The following INTS6 variants were observed in gnomAD, a reference collection of about 807,000 sequenced individuals.
INTS6 encodes the protein integrator complex subunit 6, also known as DEAD box protein.
In INTS6, 16 loss-of-function variants were observed where a neutral mutation model predicts 104.9. The observed-to-expected ratio is 0.15, with a 90% CI of 0.10 to 0.23. The LOEUF is 0.23. INTS6 is among the 10% of genes least tolerant of loss of function. The pLI, the probability that INTS6 is intolerant of heterozygous loss-of-function variation, is 1.00. For synonymous variants in INTS6, 324 were observed against 358.7 expected (o/e 0.90, Z 1.09); for missense variants, 584 against 1,062.8 (o/e 0.55, Z 6.26).
At chr13:51,401,283 T>C (rs1231029560) in intron 4 of INTS6, among the ~76,000 whole-genome samples, 6 of 152,164 alleles carry the variant, frequency 3.9e-5, no homozygotes, top group African/African-American at 1.4e-4. Context: ...AAATATTAGG[T>C]ATGTTTAGGC....
At chr13:51,410,862 T>C (rs543303024) in intron 4 of INTS6, among the ~76,000 whole-genome samples, 1 of 151,840 alleles carries the variant, frequency 6.6e-6, no homozygotes, top group Non-Finnish European at 1.5e-5. Context: ...GACTATCCAA[T>C]AAAAAACAGC....
chr13:51,343,673 T>C, the INTS6 span, among the ~76,000 whole-genome samples: 1 of 152,204 alleles, frequency 6.6e-6, no homozygotes, highest in Non-Finnish European at 1.5e-5. Context: ...TTCTTACTTT[T>C]CCTCTGTATT....
intron 12 of INTS6, among the ~76,000 whole-genome samples, chr13:51,377,468 T>C (rs1313708274): frequency 6.6e-6 from 1 of 152,172 alleles, no homozygotes; most frequent in Non-Finnish European, 1.5e-5. Flanking sequence ...GTTTATAGTT[T>C]TTGTTCTTAC....
intron 4 of INTS6, among the ~76,000 whole-genome samples, chr13:51,409,299 T>TAAG (rs963656224): frequency 1.4e-5 from 2 of 147,222 alleles, no homozygotes; most frequent in African/African-American, 4.9e-5. Context: ...ATAATAATAA[T>TAAG]AATAATAATA....
chr13:51,415,259 G>A (rs1249130986), intron 4 of INTS6, among the ~76,000 whole-genome samples: 2 of 151,682 alleles, frequency 1.3e-5, no homozygotes, highest in African/African-American at 4.9e-5. Flanking sequence ...TGAGCTCCAG[G>A]GTCCCATTCA....
At chr13:51,374,893 C>A (rs943300750) in intron 13 of INTS6, 97 bp from the exon 14 acceptor site, 5 of 1,233,116 alleles carry the variant, frequency 4.1e-6, no homozygotes, top group Non-Finnish European at 4.5e-6. Context: ...TTATTCTAGA[C>A]AGTCTTCTTT....
intron 3 of INTS6, among the ~76,000 whole-genome samples, chr13:51,355,438 G>A (rs1019288091): frequency 2.0e-5 from 3 of 152,056 alleles, no homozygotes; most frequent in African/African-American, 7.2e-5. Context: ...GACTAGGAGT[G>A]TACCCAAGGC....
At chr13:51,348,324 G>C in the INTS6 span, 1 of 1,613,820 alleles carries the variant, frequency 6.2e-7, no homozygotes, top group Non-Finnish European at 8.5e-7. Flanking sequence ...ACCCCCCTGA[G>C]CCACATCGAG....
rs1242642450 is a variant in INTS6, at chr13:51,365,100, T to G, written c.*652A>C. The G allele has an allele frequency of 6.6e-6, 1 of 152,506 alleles. No individual in the cohort carries two copies. Among genetic ancestry groups the G allele is most frequent in the African/African-American group, 2.4e-5 (1 of 41,442 alleles). The allele number at this position is 152,506 out of a possible 1,614,324, so 9.4% of individuals were successfully genotyped here. On this transcript the variant is annotated 3_prime_UTR_variant, in exon 18 of 18. Transcript: ENST00000311234. Reference sequence around the variant, plus strand: ...TGTAACATGTAATTACAGTTAGGCTTAACAAACATGAACTTCAAGTGGTGT... The same window carrying G: ...TGTAACATGTAATTACAGTTAGGCTGAACAAACATGAACTTCAAGTGGTGT...
At chr13:51,414,921 T>C (rs1956759260) in intron 4 of INTS6, among the ~76,000 whole-genome samples, 1 of 151,720 alleles carries the variant, frequency 6.6e-6, no homozygotes, top group Non-Finnish European at 1.5e-5. Flanking sequence ...TCCCTATGAT[T>C]TCACCGTCCA....
At chr13:51,397,429 G>A (rs1366882006) in intron 4 of INTS6, among the ~76,000 whole-genome samples, 2 of 152,180 alleles carry the variant, frequency 1.3e-5, no homozygotes, top group African/African-American at 2.4e-5. Flanking sequence ...TGGCACGTAA[G>A]GCAGAAGGCA....
intron 15 of INTS6, among the ~76,000 whole-genome samples, 170 bp downstream of exon 15, chr13:51,374,038 T>C (rs1955865746): frequency 6.6e-6 from 1 of 152,234 alleles, no homozygotes; most frequent in South Asian, 2.1e-4. Flanking sequence ...CAAATGTTCA[T>C]TAAAAAGACA....
chr13:51,436,978 C>T (rs1388185837), intron 3 of INTS6: 1 of 152,018 alleles, frequency 6.6e-6, no homozygotes, highest in African/African-American at 2.4e-5. Context: ...TGGGGCCAGG[C>T]ACGGTGGCTC....
the INTS6 span, chr13:51,348,317 C>T: frequency 6.2e-7 from 1 of 1,613,690 alleles, no homozygotes; most frequent in Admixed American, 1.7e-5. Context: ...CAAAGACACC[C>T]CCCTGAGCCA....
At chr13:51,448,240 G>A (rs1952964047) in intron 3 of INTS6, 1 of 152,264 alleles carries the variant, frequency 6.6e-6, no homozygotes, top group East Asian at 1.9e-4. Context: ...TTGAAACTCT[G>A]TTGAACACAC....
intron 3 of INTS6, chr13:51,449,317 TG>T (rs368801548): frequency 4.0e-5 from 8 of 199,576 alleles, no homozygotes; most frequent in East Asian, 1.9e-4. Context: ...TTGGTCAAAG[TG>T]GTAACAGCAC....
chr13:51,424,406 A>T (rs533779951), intron 4 of INTS6, among the ~76,000 whole-genome samples: 12 of 152,164 alleles, frequency 7.9e-5, no homozygotes, highest in Non-Finnish European at 7.4e-5. Flanking sequence ...AGTACTGCAA[A>T]TGTAAATTGC....
intron 3 of INTS6, among the ~76,000 whole-genome samples, chr13:51,431,441 A>C (rs1396766979): frequency 6.6e-6 from 1 of 152,194 alleles, no homozygotes; most frequent in Non-Finnish European, 1.5e-5. Context: ...ATTTCTAACA[A>C]GACTGGCAGC....
chr13:51,425,783 G>C (rs1055202468), intron 4 of INTS6, among the ~76,000 whole-genome samples: 2 of 151,956 alleles, frequency 1.3e-5, no homozygotes, highest in Non-Finnish European at 1.5e-5. Context: ...CAAAACATTT[G>C]ATATATCAGT....
Sources: gnomAD v4.1 joint callset for allele counts (sites outside exome capture counted in the v4.1 genomes callset) on GRCh38, gnomAD v4.1.1 for gene constraint, MANE v1.5 for transcripts, NCBI Gene and HGNC (gene_info 2026-07-23, HGNC 2026-07-21) for gene names.